The following TSR1 variants were observed in gnomAD, a reference collection of about 807,000 sequenced individuals.
TSR1 encodes TSR1 ribosome maturation factor.
A neutral mutation model predicts 90.9 loss-of-function variants in TSR1; 81 were observed. That is an observed-to-expected ratio of 0.89 (90% CI 0.74 to 1.07). TSR1 has a LOEUF of 1.07. TSR1 is among the 50% of genes least tolerant of loss of function. The probability of loss-of-function intolerance (pLI) is 0.00; values close to 1 mark genes in which losing one functional copy is unlikely to be tolerated. For missense variants in TSR1, 989 were observed against 987.3 expected (o/e 1.00, Z -0.02); for synonymous variants, 362 against 348.8 (o/e 1.04, Z -0.42).
chr17:2,335,675 A>T lies in TSR1; in HGVS notation c.257T>A (p.Leu86Gln). 6.2e-7 allele frequency: 1 copy of T among 1,614,114 alleles called. No homozygotes were observed. The highest frequency in any genetic ancestry group is 1.1e-5 in the South Asian group (1 of 91,082). Residue 86 changes from leucine to glutamine, a missense_variant, in exon 3 of 15, where the codon CTG (leucine) becomes CAG (glutamine). Leu to Gln is a moderately radical substitution (Grantham distance 113). Coordinates refer to ENST00000301364, the MANE Select transcript of TSR1 (RefSeq NM_018128.5). ...AATTCTGCTGTGCAGGGGCACCACC[A>T]GTACCTGATGAGGAGGGCCATCCTT... ...GGKDGPPHQV[L>Q]VVPLHSRISL...
intron 11 of TSR1, among the ~76,000 whole-genome samples, chr17:2,326,689 G>A (rs1051635001): frequency 1.3e-5 from 2 of 152,188 alleles, no homozygotes; most frequent in Non-Finnish European, 2.9e-5. Flanking sequence ...GGGCTGTGGT[G>A]TGAACACAGC....
At chr17:2,325,024 G>A in intron 12 of TSR1, 195 bp from the exon 13 acceptor site, 1 of 629,600 alleles carries the variant, frequency 1.6e-6, no homozygotes, top group Non-Finnish European at 2.7e-6. Context: ...TACTTCAAGA[G>A]AAATGATGTA....
intron 13 of TSR1, 39 bp from the exon 14 acceptor site, chr17:2,324,617 T>C (rs761350823): frequency 2.5e-6 from 4 of 1,613,936 alleles, no homozygotes; most frequent in South Asian, 2.2e-5. Context: ...ATGAAACATT[T>C]ACCCACAAAA....
intron 11 of TSR1, among the ~76,000 whole-genome samples, chr17:2,326,456 C>G (rs1021269824): frequency 3.9e-5 from 6 of 152,068 alleles, no homozygotes; most frequent in Non-Finnish European, 8.8e-5. Context: ...CCTACCTCTG[C>G]TTTACCCAAC....
rs766588368 is a variant in TSR1 at position 2,332,965 on chromosome 17, G to A, written c.1301C>T (p.Ser434Phe). The A allele has an allele frequency of 9.9e-6, 16 of 1,613,354 alleles. 1 individual carries two copies. In the South Asian group the frequency reaches 1.5e-4, roughly 16 times the overall value. ...MEHEDFMEEESQDESSEEEEE... is the reference protein window; with the variant it reads ...MEHEDFMEEEFQDESSEEEEE... The stretch of plus-strand genomic sequence containing the variant: ...CCTAAGGCCTCATTTCCTTACCTGA[G>A]ATTCCTCCTCCATAAAATCCTCATG... The change falls in exon 7 of 15, where the codon TCT becomes TTT. Residue 434 changes from serine (S) to phenylalanine (F), a missense_variant. By Grantham distance (155) the Ser-to-Phe change is radical. Transcript: ENST00000301364.
rs778629733 is a variant in TSR1, at chr17:2,323,999, A to G, written c.*197T>C. On this transcript the variant is annotated 3_prime_UTR_variant, in exon 15 of 15. Transcript: ENST00000301364. ...AGTGGCTATTTCATTAAGATTTAAT[A>G]GTTTTTTTTGGACTAAGTAGTGGAA... is the stretch of plus-strand genomic sequence containing the variant. The G allele has an allele frequency of 5.2e-6, 6 of 1,158,704 alleles. No individual in the cohort carries two copies. Among genetic ancestry groups the G allele is most frequent in the African/African-American group, 1.6e-5 (1 of 64,160 alleles). The allele number at this position is 1,158,704 out of a possible 1,614,324, so 71.8% of individuals were successfully genotyped here.
At chr17:2,330,854 A>T (rs2151440906) in intron 9 of TSR1, 93 bp downstream of exon 9, 1 of 1,430,644 alleles carries the variant, frequency 7.0e-7, no homozygotes, top group Non-Finnish European at 9.4e-7. Flanking sequence ...TAATCCCCAA[A>T]TGCAGCATAT....
chr17:2,336,271 T>G, intron 1 of TSR1, 60 bp downstream of exon 1: 1 of 1,609,154 alleles, frequency 6.2e-7, no homozygotes, highest in Non-Finnish European at 8.5e-7. Flanking sequence ...AGTCTGGGCA[T>G]GAGGAAAAAG....
Position 2,331,029 on chromosome 17 carries a change from C to G in TSR1, c.1577G>C (p.Arg526Pro). The G allele has an allele frequency of 6.2e-7, 1 of 1,612,566 alleles. No homozygotes were observed. Among genetic ancestry groups the G allele is most frequent in the Non-Finnish European group, 8.5e-7 (1 of 1,179,638 alleles). ...AGTAAAGTTCTGAAACTGAAATATT[C>G]GAGCATAATCTTGAGGAAGGTTTTC... ...PKENLPQDYA[R>P]IFQFQNFTNT... Residue 526 changes from arginine to proline, a missense_variant, in exon 9 of 15, where the codon CGA (arginine) becomes CCA (proline). Physicochemically the swap from Arg to Pro is moderately radical, Grantham distance 103. Coordinates refer to ENST00000301364, the MANE Select transcript of TSR1 (RefSeq NM_018128.5).
In TSR1 at chr17:2,324,035, A is replaced by T; in HGVS notation, c.*161T>A. On this transcript the variant is annotated 3_prime_UTR_variant, in exon 15 of 15. Coordinates refer to ENST00000301364, the MANE Select transcript of TSR1 (RefSeq NM_018128.5). ...GACTAAGTAGTGGAAAAACTTTTATACTTAACTGAGACATTTTGTCAAGGC... is the reference window on the plus strand; with the variant it reads ...GACTAAGTAGTGGAAAAACTTTTATTCTTAACTGAGACATTTTGTCAAGGC... 1 of 1,197,198 alleles carries T rather than the reference A, an allele frequency of 8.4e-7. No homozygotes were observed. Among genetic ancestry groups the T allele is most frequent in the Non-Finnish European group, 1.2e-6 (1 of 858,148 alleles). The allele number at this position is 1,197,198 out of a possible 1,614,324, so 74.2% of individuals were successfully genotyped here.
chr17:2,322,873 T>C lies in TSR1; in HGVS notation c.*1323A>G, dbSNP rs2075544548. The stretch of plus-strand genomic sequence containing the variant: ...TACCCCTCCCAAGTTCAAGTGATTC[T>C]CCTACCTCAGCCTCTTGAGTAGCTG... On this transcript the variant is annotated 3_prime_UTR_variant, in exon 15 of 15. Coordinates refer to ENST00000301364, the MANE Select transcript of TSR1 (RefSeq NM_018128.5). The C allele has an allele frequency of 4.8e-6, 2 of 417,866 alleles. No individual in the cohort carries two copies. The highest frequency in any genetic ancestry group is 7.3e-5 in the Admixed American group (2 of 27,454). 25.9% of individuals were successfully genotyped at this position (417,866 alleles called of 1,614,324 possible). A position where few individuals can be genotyped will look rare whatever the true frequency, so the allele number is the denominator to read the frequency against.
chr17:2,335,705 C>G lies in TSR1; in HGVS notation c.227G>C (p.Gly76Ala), dbSNP rs761361338. The G allele has an allele frequency of 5.6e-6, 9 of 1,613,532 alleles. No homozygotes were observed. The highest frequency in any genetic ancestry group is 7.6e-6 in the Non-Finnish European group (9 of 1,179,998). ...EAVLAEKRQL[G>A]GKDGPPHQVL... is the part of the protein sequence containing the mutation. ...CTGATGAGGAGGGCCATCCTTGCCA[C>G]CCAGCTGTCTCTTCTCTGCCAGAAC... Residue 76 changes from glycine to alanine, a missense_variant, in exon 3 of 15, where the codon GGT (glycine) becomes GCT (alanine). Physicochemically the swap from Gly to Ala is moderately conservative, Grantham distance 60 (BLOSUM62 0). Coordinates refer to ENST00000301364, the MANE Select transcript of TSR1 (RefSeq NM_018128.5).
chr17:2,334,408 T>C (rs561661924), intron 5 of TSR1, 64 bp downstream of exon 5: 267 of 1,538,660 alleles, frequency 1.7e-4, no homozygotes, highest in South Asian at 1.0e-3. Flanking sequence ...CTATCTTCTC[T>C]GAATTTAAGT....
intron 8 of TSR1, among the ~76,000 whole-genome samples, chr17:2,331,821 ACTT>A (rs1388895173): frequency 6.6e-6 from 1 of 152,194 alleles, no homozygotes; most frequent in Non-Finnish European, 1.5e-5. Context: ...ATAATCATCT[ACTT>A]CTTCACTCTT....
chr17:2,324,942 G>A, intron 12 of TSR1, 113 bp from the exon 13 acceptor site: 2 of 1,248,564 alleles, frequency 1.6e-6, no homozygotes, highest in South Asian at 3.2e-5. Context: ...CCCTGCCCTA[G>A]CCCAATCTGA....
intron 6 of TSR1, 133 bp from the exon 7 acceptor site, chr17:2,333,257 C>T: frequency 9.2e-7 from 1 of 1,092,134 alleles, no homozygotes; most frequent in Non-Finnish European, 1.4e-6. Flanking sequence ...AATAGAACTA[C>T]TTCCAAATTT....
In TSR1 at chr17:2,330,686, A is replaced by G. The variant is rs146022702; in HGVS notation, c.1660-61T>C. ...CCTTTCAAAGTCCCAATAGCGAGGA[A>G]GCTTTCTCCAAATATGTTGAGTCTC... On this transcript the variant is annotated intron_variant, in intron 9 of 14. Coordinates refer to ENST00000301364, the MANE Select transcript of TSR1 (RefSeq NM_018128.5). 5.8e-4 allele frequency: 882 copies of G among 1,520,268 alleles called. 9 individuals are homozygous for G. The East Asian group carries it at 0.017, about 29-fold the overall frequency. 94.2% of individuals were successfully genotyped at this position (1,520,268 alleles called of 1,614,324 possible).
At position 2,322,812 on chromosome 17, in the gene TSR1, C is replaced by T. The variant is rs565410027; in HGVS notation, c.*1384G>A. Reference sequence around the variant, plus strand: ...ATTACAGGCGTGAGCCACTGCGCCCCACCCCATTTTGGTGTGATCTCAGCT... The same window carrying T: ...ATTACAGGCGTGAGCCACTGCGCCCTACCCCATTTTGGTGTGATCTCAGCT... On this transcript the variant is annotated 3_prime_UTR_variant, in exon 15 of 15. Coordinates refer to ENST00000301364, the MANE Select transcript of TSR1 (RefSeq NM_018128.5). 6.1e-6 allele frequency: 2 copies of T among 328,564 alleles called. No individual in the cohort carries two copies. The highest frequency in any genetic ancestry group is 1.5e-4 in the East Asian group (2 of 12,976). 20.4% of individuals were successfully genotyped at this position (328,564 alleles called of 1,614,324 possible).
intron 11 of TSR1, among the ~76,000 whole-genome samples, chr17:2,328,848 A>G (rs2151440338): frequency 7.7e-6 from 1 of 130,600 alleles, no homozygotes; most frequent in South Asian, 2.7e-4. Flanking sequence ...TAAACCTGAG[A>G]GGCGGAGCTT....
Sources: allele counts gnomAD v4.1 joint callset (sites outside exome capture counted in the v4.1 genomes callset), GRCh38; gene constraint gnomAD v4.1.1; transcripts MANE v1.5; gene names NCBI Gene and HGNC (gene_info 2026-07-23, HGNC 2026-07-21).